Variants in PTPRN2 observed in about 807,000 individuals in gnomAD.
The protein encoded by PTPRN2 is receptor-type tyrosine-protein phosphatase N2.
In PTPRN2, 74 loss-of-function variants were observed where a neutral mutation model predicts 118.8. The ratio of observed to expected loss-of-function variants is 0.62; its 90% confidence interval spans 0.52 to 0.76. The LOEUF (loss-of-function observed/expected upper bound fraction) is 0.76. Ranked by LOEUF, PTPRN2 falls within the 30% of genes least tolerant of loss-of-function variation. PTPRN2 has a pLI of 0.00. For synonymous variants in PTPRN2, 641 were observed against 608.0 expected (o/e 1.05, Z -0.80); for missense variants, 1,481 against 1,394.4 (o/e 1.06, Z -0.99).
chr7:157,742,439 A>C (rs970381089), intron 12 of PTPRN2, among the ~76,000 whole-genome samples: 3 of 152,140 alleles, frequency 2.0e-5, no homozygotes, highest in Non-Finnish European at 2.9e-5. Flanking sequence ...TTATTCATTG[A>C]ACAGTTTTAG....
rs552257400 is a variant in PTPRN2 at position 157,749,587 on chromosome 7, G to T, written c.1789-66650C>A. Among the ~76,000 whole-genome samples the T allele has an allele frequency of 3.7e-4, 33 of 88,834 alleles. 2 individuals carry two copies. In the South Asian group the frequency reaches 9.0e-3, roughly 24 times the overall value. The allele number at this position is 88,834 out of a possible 152,430, so 58.3% of individuals were successfully genotyped here. A position where few individuals can be genotyped will look rare whatever the true frequency, so the allele number is the denominator to read the frequency against. On this transcript the variant is annotated intron_variant, in intron 12 of 22. Coordinates refer to ENST00000389418, the MANE Select transcript of PTPRN2 (RefSeq NM_002847.5). Reference sequence around the variant, plus strand: ...TGTCTGGGTGATTCTGAAGCCTGCGGCTGTGAGCTGTGGGGTGTCTGAGTG... The same window carrying T: ...TGTCTGGGTGATTCTGAAGCCTGCGTCTGTGAGCTGTGGGGTGTCTGAGTG...
intron 3 of PTPRN2, among the ~76,000 whole-genome samples, chr7:158,262,806 A>ACACACATTCACACTG (rs1491319174): frequency 2.5e-4 from 36 of 146,262 alleles, no homozygotes; most frequent in Non-Finnish European, 4.9e-4. Flanking sequence ...TTCACACACT[A>ACACACATTCACACTG]CACACATTCA....
In PTPRN2 at chr7:157,809,687, G is replaced by A. The variant is rs114860804; in HGVS notation, c.1788+88986C>T. 6.3e-3 allele frequency among the ~76,000 whole-genome samples: 954 copies of A among 152,248 alleles called. 7 individuals carry two copies. Among genetic ancestry groups the A allele is most frequent in the African/African-American group, 0.021 (860 of 41,528 alleles). On this transcript the variant is annotated intron_variant, in intron 12 of 22. Coordinates refer to ENST00000389418, the MANE Select transcript of PTPRN2 (RefSeq NM_002847.5). The stretch of plus-strand genomic sequence containing the variant: ...GGCGTCTACCTGCCAAGGAGCCCCC[G>A]GCATTGCCAGGAGCCACAGAGAGTC...
At chr7:158,294,764 T>G (rs2151029109) in intron 3 of PTPRN2, among the ~76,000 whole-genome samples, 1 of 152,342 alleles carries the variant, frequency 6.6e-6, no homozygotes, top group Non-Finnish European at 1.5e-5. Flanking sequence ...TCCACGCTCA[T>G]GGTTCACCCA....
chr7:158,499,336 ACT>A (rs764660248), intron 1 of PTPRN2, among the ~76,000 whole-genome samples: 105 of 152,336 alleles, frequency 6.9e-4, no homozygotes, highest in Admixed American at 1.5e-3. Flanking sequence ...TGCCCACCAC[ACT>A]GAGAAGCAAG....
chr7:158,146,659 A>T (rs6979979), intron 6 of PTPRN2, among the ~76,000 whole-genome samples: 26,646 of 136,196 alleles, frequency 0.2, 5,297 homozygotes, highest in African/African-American at 0.47. Flanking sequence ...AGGCGGAGCT[A>T]GTAGTGAGCT....
chr7:158,214,501 A>G (rs1004098358), intron 3 of PTPRN2, among the ~76,000 whole-genome samples: 3 of 152,014 alleles, frequency 2.0e-5, no homozygotes, highest in Non-Finnish European at 4.4e-5. Flanking sequence ...AAAATATTAG[A>G]TATTAACAGC....
intron 1 of PTPRN2, among the ~76,000 whole-genome samples, chr7:158,506,942 G>A (rs978409910): frequency 7.2e-5 from 11 of 152,206 alleles, no homozygotes; most frequent in African/African-American, 1.4e-4. Flanking sequence ...GAAGGACACC[G>A]CTCTGGTTCG....
chr7:158,425,055 A>C (rs549163573), intron 2 of PTPRN2, among the ~76,000 whole-genome samples: 2 of 152,348 alleles, frequency 1.3e-5, no homozygotes, highest in South Asian at 2.1e-4. Flanking sequence ...ACCCTCCTTC[A>C]TGTGGCCATC....
At chr7:158,169,097 G>T (rs890149953) in intron 5 of PTPRN2, among the ~76,000 whole-genome samples, 1 of 152,204 alleles carries the variant, frequency 6.6e-6, no homozygotes, top group East Asian at 1.9e-4. Context: ...AGCTAAGGGT[G>T]TGCAGCCATC....
chr7:157,860,789 T>G (rs1289825571), intron 12 of PTPRN2, among the ~76,000 whole-genome samples: 1 of 152,246 alleles, frequency 6.6e-6, no homozygotes, highest in African/African-American at 2.4e-5. Context: ...GAAACAGAAC[T>G]GGCAGCATTC....
intron 8 of PTPRN2, among the ~76,000 whole-genome samples, chr7:158,134,277 C>T (rs1004460138): frequency 6.6e-6 from 1 of 152,134 alleles, no homozygotes; most frequent in East Asian, 1.9e-4. Context: ...CACTTACGTG[C>T]TGTTTTCTCC....
intron 11 of PTPRN2, among the ~76,000 whole-genome samples, chr7:157,926,670 T>C (rs1231239536): frequency 6.6e-6 from 1 of 152,198 alleles, no homozygotes; most frequent in Non-Finnish European, 1.5e-5. Flanking sequence ...CTAAACACTC[T>C]GTAGCTGCAT....
rs1204871376 is a variant in PTPRN2 at position 157,690,848 on chromosome 7, G to A, written c.1789-7911C>T. ...CTGCGCGGCCGCTCGGCCCAGCTCC[G>A]CGTGCTCCGCCCCGGCCCGGCCCCC... is the stretch of plus-strand genomic sequence containing the variant. On this transcript the variant is annotated intron_variant, in intron 12 of 22. Transcript: ENST00000389418. The surrounding 1 kb of genome is among the most constrained non-coding windows in gnomAD (Gnocchi z 7.1). 6.8e-6 allele frequency among the ~76,000 whole-genome samples: 1 copy of A among 147,284 alleles called. No individual in the cohort carries two copies. Among genetic ancestry groups the A allele is most frequent in the Admixed American group, 6.7e-5 (1 of 14,868 alleles).
At chr7:158,073,759 C>A (rs142065679) in intron 11 of PTPRN2, among the ~76,000 whole-genome samples, 224 of 151,650 alleles carry the variant, frequency 1.5e-3, no homozygotes, top group Non-Finnish European at 2.7e-3. Flanking sequence ...AAACAGCATT[C>A]GCTTATGGAC....
intron 4 of PTPRN2, among the ~76,000 whole-genome samples, chr7:158,203,165 G>T (rs528377161): frequency 6.7e-6 from 1 of 148,316 alleles, no homozygotes; most frequent in South Asian, 2.2e-4. Context: ...CCAAGAGGTG[G>T]AGGCTGTAGT....
In PTPRN2 at chr7:158,133,879, A is replaced by G; in HGVS notation, c.1354T>C (p.Tyr452His). The change falls in exon 9 of 23, where the codon TAT becomes CAT. Residue 452 changes from tyrosine to histidine, a missense_variant. Tyr to His is a moderately conservative substitution (Grantham distance 83). Transcript: ENST00000389418. ...TGCTGCCCCAGCAGATCTTTGGAAT[A>G]CGTCTGGCTCTTGACGTTCTCCACT... ...AGVENVKSQT[Y>H]SKDLLGQQPH... The G allele has an allele frequency of 6.2e-7, 1 of 1,613,874 alleles. No individual in the cohort carries two copies. Among genetic ancestry groups the G allele is most frequent in the African/African-American group, 1.3e-5 (1 of 75,038 alleles).
intron 2 of PTPRN2, among the ~76,000 whole-genome samples, chr7:158,430,611 TCCA>T (rs886607893): frequency 2.8e-4 from 43 of 152,194 alleles, no homozygotes; most frequent in African/African-American, 9.2e-4. Flanking sequence ...TGGTGGTGTC[TCCA>T]CCACAAGAGA....
At chr7:157,655,191 C>T (rs961216403) in intron 14 of PTPRN2, among the ~76,000 whole-genome samples, 5 of 152,162 alleles carry the variant, frequency 3.3e-5, no homozygotes, top group African/African-American at 4.8e-5. Flanking sequence ...GCTCAGGGAT[C>T]GGGAAAGCCA....
Sources: gnomAD v4.1 joint callset for allele counts (sites outside exome capture counted in the v4.1 genomes callset) on GRCh38, gnomAD v4.1.1 for gene constraint, Gnocchi (gnomAD v3.1) non-coding constraint, MANE v1.5 for transcripts, NCBI Gene and HGNC (gene_info 2026-07-23, HGNC 2026-07-21) for gene names.